The following DMXL2 variants were observed in gnomAD, a reference collection of about 807,000 sequenced individuals.
The protein encoded by DMXL2 is dmX-like protein 2.
A neutral mutation model predicts 331.1 loss-of-function variants in DMXL2; 103 were observed. The observed-to-expected ratio is 0.31, with a 90% CI of 0.27 to 0.37. The LOEUF is 0.37. Among genes scored for constraint, DMXL2 ranks in the 10% least tolerant of loss-of-function variants. The pLI is 1.00. For missense variants in DMXL2, 3,171 were observed against 3,642.9 expected, an observed-to-expected ratio of 0.87 and a Z score of 3.33; for synonymous variants, 1,281 against 1,252.1, an observed-to-expected ratio of 1.02 and a Z score of -0.49.
intron 6 of DMXL2, among the ~76,000 whole-genome samples, chr15:51,562,402 C>G (rs939504383): frequency 6.6e-6 from 1 of 151,996 alleles, no homozygotes; most frequent in African/African-American, 2.4e-5. Flanking sequence ...TGGGGGATAT[C>G]TCCATCAAAA....
In DMXL2 at chr15:51,471,514, A is replaced by G. The variant is rs947127923; in HGVS notation, c.7214-113T>C. 5.0e-6 allele frequency: 5 copies of G among 1,004,030 alleles called. No individual in the cohort carries two copies. In the South Asian group the frequency reaches 8.2e-5, roughly 17 times the overall value. The allele number at this position is 1,004,030 out of a possible 1,614,324, so 62.2% of individuals were successfully genotyped here. A position where few individuals can be genotyped will look rare whatever the true frequency, so the allele number is the denominator to read the frequency against. On this transcript the variant is annotated intron_variant, in intron 28 of 43. Transcript: ENST00000560891. ...GCCATGTTTTGGTCTAAACTAAATTACTTATTCCTGTGCTTCTAAACTTTT... is the reference window on the plus strand; with the variant it reads ...GCCATGTTTTGGTCTAAACTAAATTGCTTATTCCTGTGCTTCTAAACTTTT...
At position 51,499,844 on chromosome 15, in the gene DMXL2, T is replaced by C. The variant is rs2140490367; in HGVS notation, c.3380A>G (p.Asp1127Gly). The change falls in exon 18 of 44, where the codon GAT (aspartate) becomes GGT (glycine). Residue 1127 changes from aspartate to glycine, a missense_variant. Around this residue, in one of 7 missense-constraint regions of DMXL2, gnomAD observed 1,674 missense variants for 1,780.2 expected, o/e 0.94. Coordinates refer to ENST00000560891, the MANE Select transcript of DMXL2 (RefSeq NM_001378457.1). ...WVLEQTIHLD[D>G]LVKVGSVLDS... ...AAGTACACTCCCAACCTTAACCAAA[T>C]CATCAAGATGAATTGTTTGTTCTAA... The C allele has an allele frequency of 6.2e-7, 1 of 1,614,136 alleles. No homozygotes were observed. Among genetic ancestry groups the C allele is most frequent in the Non-Finnish European group, 8.5e-7 (1 of 1,180,004 alleles).
At chr15:51,457,837 AAAGT>A (rs2039773788) in intron 36 of DMXL2, 1 of 179,748 alleles carries the variant, frequency 5.6e-6, no homozygotes, top group Non-Finnish European at 1.2e-5. Flanking sequence ...ATAAAATGTG[AAAGT>A]AATTGTTGGG....
intron 8 of DMXL2, 84 bp from the exon 9 acceptor site, chr15:51,542,591 T>C: frequency 9.4e-7 from 1 of 1,058,276 alleles, no homozygotes; most frequent in Non-Finnish European, 1.3e-6. Flanking sequence ...TTAAGAGGTT[T>C]AAGATTTTTT....
intron 1 of DMXL2, among the ~76,000 whole-genome samples, chr15:51,595,583 T>G (rs1409672758): frequency 6.6e-6 from 1 of 152,194 alleles, no homozygotes; most frequent in East Asian, 1.9e-4. Context: ...AAAGTTCATA[T>G]GGAACCAAAA....
intron 19 of DMXL2, 105 bp downstream of exon 19, chr15:51,494,919 T>A: frequency 1.5e-6 from 1 of 669,924 alleles, no homozygotes; most frequent in Non-Finnish European, 2.6e-6. Context: ...AAGTGATAGG[T>A]GTGCACGTAA....
intron 1 of DMXL2, among the ~76,000 whole-genome samples, chr15:51,588,508 C>A (rs959808939): frequency 1.3e-5 from 2 of 152,076 alleles, no homozygotes; most frequent in Admixed American, 6.5e-5. Context: ...GTTCTTAATA[C>A]ATTTTACATT....
At chr15:51,552,673 C>A (rs2049295429) in intron 6 of DMXL2, among the ~76,000 whole-genome samples, 1 of 152,106 alleles carries the variant, frequency 6.6e-6, no homozygotes, top group African/African-American at 2.4e-5. Context: ...TTGTAGGTAT[C>A]TCCCCTCTCT....
Position 51,499,083 on chromosome 15 carries a change from T to C in DMXL2, c.4141A>G (p.Ile1381Val). The change falls in exon 18 of 44, where the codon ATA (isoleucine) becomes GTA (valine). Residue 1381 changes from isoleucine (I) to valine (V), a missense_variant. Coordinates refer to ENST00000560891, the MANE Select transcript of DMXL2 (RefSeq NM_001378457.1). ...LVKCIAGEVA[I>V]VRDPDAGEGT... Reference sequence around the variant, plus strand: ...TCTCCAGCATCAGGATCTCTAACTATTGCTACTTCACCTGCAATACATTTT... The same window carrying C: ...TCTCCAGCATCAGGATCTCTAACTACTGCTACTTCACCTGCAATACATTTT... The C allele has an allele frequency of 6.2e-7, 1 of 1,614,048 alleles. No individual in the cohort carries two copies.
chr15:51,545,702 T>C lies in DMXL2; in HGVS notation c.811A>G (p.Thr271Ala), dbSNP rs769147861. 4 of 1,613,560 alleles carry C rather than the reference T, an allele frequency of 2.5e-6. No homozygotes were observed. The highest frequency in any genetic ancestry group is 3.4e-6 in the Non-Finnish European group (4 of 1,179,732). The change falls in exon 8 of 44, where the codon ACT becomes GCT. Residue 271 changes from threonine (T) to alanine (A), a missense_variant. Physicochemically the swap from Thr to Ala is moderately conservative, Grantham distance 58. Coordinates refer to ENST00000560891, the MANE Select transcript of DMXL2 (RefSeq NM_001378457.1). ...AAAAGACAGTCTTCTGGTAATAAAG[T>C]TTCTGCCCAGAGCCGGCACACACCA... ...HDGVCRLWAE[T>A]LLPEDCLLGE...
intron 27 of DMXL2, among the ~76,000 whole-genome samples, chr15:51,475,621 AGAAG>A (rs1408134760): frequency 6.6e-6 from 1 of 152,236 alleles, no homozygotes; most frequent in Non-Finnish European, 1.5e-5. Context: ...TGAAAGAGAA[AGAAG>A]GAAGACTTTA....
chr15:51,500,700 G>T (rs1473911444), intron 17 of DMXL2, among the ~76,000 whole-genome samples: 5 of 152,062 alleles, frequency 3.3e-5, no homozygotes, highest in African/African-American at 1.2e-4. Flanking sequence ...CAGACCCCAG[G>T]TGGTACACCA....
At chr15:51,560,087 T>G (rs2049857647) in intron 6 of DMXL2, among the ~76,000 whole-genome samples, 2 of 152,108 alleles carry the variant, frequency 1.3e-5, no homozygotes, top group Admixed American at 1.3e-4. Context: ...TGAGACAACT[T>G]TCATTTGGAT....
At chr15:51,621,257 T>C (rs2054607203) in intron 1 of DMXL2, among the ~76,000 whole-genome samples, 1 of 152,222 alleles carries the variant, frequency 6.6e-6, no homozygotes, top group African/African-American at 2.4e-5. Flanking sequence ...AAAGCAATCT[T>C]CTGGGGTTAA....
At position 51,453,593 on chromosome 15, in the gene DMXL2, A is replaced by T; in HGVS notation, c.8653T>A (p.Ser2885Thr). The change falls in exon 41 of 44, where the codon TCT (serine) becomes ACT (threonine). Residue 2885 changes from serine to threonine, a missense_variant. Around this residue, in one of 7 missense-constraint regions of DMXL2, gnomAD observed 766 missense variants for 940.5 expected, o/e 0.81. Transcript: ENST00000560891. ...KATSDFAFITSSSLVATSGHS... is the reference protein window; with the variant it reads ...KATSDFAFITTSSLVATSGHS... Reference sequence around the variant, plus strand: ...CCAGATGTGGCAACTAGACTTGAAGAGGTAATAAATGCAAAGTCACTTGTG... The same window carrying T: ...CCAGATGTGGCAACTAGACTTGAAGTGGTAATAAATGCAAAGTCACTTGTG... 1 of 1,613,870 alleles carries T rather than the reference A, an allele frequency of 6.2e-7. No individual in the cohort carries two copies. Among genetic ancestry groups the T allele is most frequent in the Non-Finnish European group, 8.5e-7 (1 of 1,179,896 alleles).
intron 39 of DMXL2, 85 bp downstream of exon 39, chr15:51,455,981 C>T: frequency 2.7e-6 from 4 of 1,490,780 alleles, no homozygotes; most frequent in Non-Finnish European, 2.8e-6. Flanking sequence ...TCACTGAATT[C>T]ATTTTTCGAT....
chr15:51,531,686 G>A (rs891535642), intron 13 of DMXL2, among the ~76,000 whole-genome samples: 2 of 152,044 alleles, frequency 1.3e-5, no homozygotes, highest in African/African-American at 4.8e-5. Flanking sequence ...AAAAAATCTA[G>A]TAATCTGATC....
intron 23 of DMXL2, among the ~76,000 whole-genome samples, chr15:51,481,889 A>C (rs1028508618): frequency 7.2e-5 from 11 of 152,202 alleles, no homozygotes; most frequent in Non-Finnish European, 1.5e-4. Flanking sequence ...ACATGTAGTA[A>C]GCTACCTTTT....
In DMXL2 at chr15:51,481,087, C is replaced by G. The variant is rs1286715544; in HGVS notation, c.6019G>C (p.Asp2007His). ...GAGGCCTTCTGATCTGATTGTTTAT[C>G]TTTTTCCCTGGCATCTGTACTTTTC... ...VMKSTDAREK[D>H]KQSDQKASDP... is the part of the protein sequence containing the mutation. The change falls in exon 24 of 44, where the codon GAT (aspartate) becomes CAT (histidine). Residue 2007 changes from aspartate to histidine, a missense_variant. Asp to His is a moderately conservative substitution (Grantham distance 81). Around this residue, in one of 7 missense-constraint regions of DMXL2, gnomAD observed 244 missense variants for 251.4 expected, o/e 0.97. Coordinates refer to ENST00000560891, the MANE Select transcript of DMXL2 (RefSeq NM_001378457.1). 1 of 1,613,374 alleles carries G rather than the reference C, an allele frequency of 6.2e-7. No homozygotes were observed. The highest frequency in any genetic ancestry group is 8.5e-7 in the Non-Finnish European group (1 of 1,179,618).
Sources: gnomAD v4.1 joint callset for allele counts (sites outside exome capture counted in the v4.1 genomes callset) on GRCh38, gnomAD v4.1.1 for gene constraint, gnomAD v4.1.1 regional missense constraint, MANE v1.5 for transcripts, NCBI Gene and HGNC (gene_info 2026-07-23, HGNC 2026-07-21) for gene names.